The following ASIC2 variants were observed in gnomAD, a reference collection of about 807,000 sequenced individuals.
The protein encoded by ASIC2 is acid-sensing ion channel 2.
In ASIC2, 25 loss-of-function variants were observed where a neutral mutation model predicts 57.3. The ratio of observed to expected loss-of-function variants is 0.44; its 90% CI spans 0.32 to 0.61. The LOEUF (loss-of-function observed/expected upper bound fraction) is 0.61. Among genes scored for constraint, ASIC2 ranks in the 20% least tolerant of loss-of-function variants. The pLI, the probability that ASIC2 is intolerant of heterozygous loss-of-function variation, is 0.06. For synonymous variants in ASIC2, 319 were observed against 307.5 expected (o/e 1.04, Z -0.39); for missense variants, 641 against 738.1 (o/e 0.87, Z 1.52).
intron 1 of ASIC2, among the ~76,000 whole-genome samples, chr17:33,591,263 G>A (rs112809677): frequency 7.8e-4 from 119 of 152,248 alleles, no homozygotes; most frequent in African/African-American, 1.8e-3. Context: ...GATAAGATTC[G>A]GAATTGTGTG....
chr17:33,094,845 T>C (rs1034862314), intron 2 of ASIC2, among the ~76,000 whole-genome samples: 2 of 152,176 alleles, frequency 1.3e-5, no homozygotes, highest in African/African-American at 2.4e-5. Flanking sequence ...AGTCGGACTT[T>C]CTGAGAGAGG....
At chr17:33,942,220 C>G (rs1916207737) in intron 1 of ASIC2, among the ~76,000 whole-genome samples, 1 of 152,074 alleles carries the variant, frequency 6.6e-6, no homozygotes, top group African/African-American at 2.4e-5. Flanking sequence ...CTGGGGAATC[C>G]AAGTGTCACA....
At chr17:33,624,473 G>T (rs1905910565) in intron 1 of ASIC2, among the ~76,000 whole-genome samples, 1 of 152,210 alleles carries the variant, frequency 6.6e-6, no homozygotes, top group African/African-American at 2.4e-5. Flanking sequence ...TGTCCAGCTG[G>T]TACTGCACTT....
intron 1 of ASIC2, among the ~76,000 whole-genome samples, chr17:33,311,428 CTGTGTGTGTG>C (rs34323667): frequency 2.6e-4 from 39 of 148,046 alleles, no homozygotes; most frequent in Admixed American, 2.6e-3. Context: ...GTCTGTCTAT[CTGTGTGTGTG>C]TGTGTGTGTG....
At chr17:33,577,545 G>T (rs973975761) in intron 1 of ASIC2, among the ~76,000 whole-genome samples, 7 of 152,022 alleles carry the variant, frequency 4.6e-5, no homozygotes, top group African/African-American at 1.7e-4. Context: ...AGTATTTCCT[G>T]GACTTCTCCC....
chr17:33,175,770 T>C (rs1905731301), intron 1 of ASIC2, among the ~76,000 whole-genome samples: 1 of 152,158 alleles, frequency 6.6e-6, no homozygotes, highest in Non-Finnish European at 1.5e-5. Context: ...TTCCCATCTC[T>C]TCCCCGGGAG....
chr17:33,157,308 CTCT>C (rs1390443895), intron 1 of ASIC2, among the ~76,000 whole-genome samples: 1 of 152,186 alleles, frequency 6.6e-6, no homozygotes, highest in Non-Finnish European at 1.5e-5. Context: ...AGCCTTACAT[CTCT>C]TATCTCTTTG....
rs182617744 is a variant in ASIC2, at chr17:33,586,962, G to T, written c.556-474895C>A. On this transcript the variant is annotated intron_variant, in intron 1 of 9. Transcript: ENST00000359872. ...TGAGCCACACCTAGCATCTAGCACT[G>T]TGGCTGGCATGTAGGAAGTTCTTAA... 9.0e-4 allele frequency among the ~76,000 whole-genome samples: 137 copies of T among 152,344 alleles called. 2 individuals carry two copies. Among genetic ancestry groups the T allele is most frequent in the Middle Eastern group, 6.8e-3 (2 of 294 alleles).
At chr17:33,384,694 C>A (rs1909612609) in intron 1 of ASIC2, among the ~76,000 whole-genome samples, 1 of 151,998 alleles carries the variant, frequency 6.6e-6, no homozygotes, top group Non-Finnish European at 1.5e-5. Context: ...CTTCAGTCCT[C>A]TCTGTGCTCA....
chr17:33,252,611 G>A (rs1908923756), intron 1 of ASIC2, among the ~76,000 whole-genome samples: 1 of 152,064 alleles, frequency 6.6e-6, no homozygotes, highest in African/African-American at 2.4e-5. Flanking sequence ...CTCCAGTGCT[G>A]TTCACGTAGT....
intron 1 of ASIC2, among the ~76,000 whole-genome samples, chr17:33,781,249 C>T (rs1046017144): frequency 6.6e-6 from 1 of 152,196 alleles, no homozygotes; most frequent in Admixed American, 6.5e-5. Context: ...AAGCTTTGCC[C>T]CTGTGGCCAC....
chr17:34,030,310 T>C (rs1049545758), intron 1 of ASIC2, among the ~76,000 whole-genome samples: 1 of 152,202 alleles, frequency 6.6e-6, no homozygotes, highest in Non-Finnish European at 1.5e-5. Flanking sequence ...CATTGATCCA[T>C]AATCCATCCA....
chr17:33,787,602 G>T (rs1911644397), intron 1 of ASIC2, among the ~76,000 whole-genome samples: 1 of 151,792 alleles, frequency 6.6e-6, no homozygotes, highest in South Asian at 2.1e-4. Context: ...ATTGAGCAAA[G>T]GTGTAGCCCT....
intron 1 of ASIC2, among the ~76,000 whole-genome samples, chr17:34,047,089 C>T (rs1295143686): frequency 6.6e-6 from 1 of 152,064 alleles, no homozygotes; most frequent in Non-Finnish European, 1.5e-5. Context: ...ATGTCTTATA[C>T]CTAATAAATG....
intron 1 of ASIC2, among the ~76,000 whole-genome samples, chr17:33,626,689 C>T (rs576798485): frequency 3.3e-5 from 5 of 152,256 alleles, no homozygotes; most frequent in African/African-American, 1.2e-4. Context: ...CTTTAGCACT[C>T]CTGACATCCA....
chr17:33,492,303 T>C (rs1417723850), intron 1 of ASIC2, among the ~76,000 whole-genome samples: 2 of 152,212 alleles, frequency 1.3e-5, no homozygotes, highest in East Asian at 1.9e-4. Flanking sequence ...AAACTGTGAA[T>C]TGGGTCCTGG....
chr17:33,258,843 G>A (rs562742244), intron 1 of ASIC2, among the ~76,000 whole-genome samples: 2 of 152,340 alleles, frequency 1.3e-5, no homozygotes, highest in South Asian at 2.1e-4. Flanking sequence ...TGGCTTCAAG[G>A]CATATGCTCC....
At chr17:33,717,488 C>A (rs989319036) in intron 1 of ASIC2, among the ~76,000 whole-genome samples, 4 of 152,090 alleles carry the variant, frequency 2.6e-5, no homozygotes, top group African/African-American at 9.7e-5. Flanking sequence ...TGTCAAAAAT[C>A]CTATTTAAAG....
intron 1 of ASIC2, among the ~76,000 whole-genome samples, chr17:33,781,505 G>A (rs1407657988): frequency 2.6e-5 from 4 of 152,134 alleles, no homozygotes; most frequent in African/African-American, 9.7e-5. Flanking sequence ...CTTCCATCGA[G>A]CCCATTCACC....
Sources: allele counts gnomAD v4.1 joint callset (sites outside exome capture counted in the v4.1 genomes callset), GRCh38; gene constraint gnomAD v4.1.1; transcripts MANE v1.5; gene names NCBI Gene and HGNC (gene_info 2026-07-23, HGNC 2026-07-21).